The following ZFAND3 variants were observed in gnomAD, a reference collection of about 807,000 sequenced individuals.
ZFAND3 encodes zinc finger AN1-type containing 3.
A neutral mutation model predicts 29.6 loss-of-function variants in ZFAND3; 10 were observed. That is an observed-to-expected ratio of 0.34 (90% CI 0.21 to 0.57). The LOEUF is 0.57. ZFAND3 is among the 20% of genes least tolerant of loss of function. The pLI is 0.86. For synonymous variants in ZFAND3, 128 were observed against 112.6 expected, an observed-to-expected ratio of 1.14 and a Z score of -0.87; for missense variants, 230 against 304.5, an observed-to-expected ratio of 0.76 and a Z score of 1.82.
At chr6:38,059,287 C>T (rs1764190892) in intron 2 of ZFAND3, among the ~76,000 whole-genome samples, 1 of 152,064 alleles carries the variant, frequency 6.6e-6, no homozygotes. Context: ...ATTCATGTAT[C>T]CATAAACAAT....
At chr6:38,149,607 A>T (rs1766181581) in intron 5 of ZFAND3, among the ~76,000 whole-genome samples, 1 of 151,734 alleles carries the variant, frequency 6.6e-6, no homozygotes, top group Admixed American at 6.6e-5. Flanking sequence ...TGTGGGTGTC[A>T]CTCCCTGTTC....
chr6:38,127,084 G>A (rs1765649753), intron 5 of ZFAND3, among the ~76,000 whole-genome samples: 1 of 151,926 alleles, frequency 6.6e-6, no homozygotes, highest in Non-Finnish European at 1.5e-5. Flanking sequence ...CAATCTATAT[G>A]CCTTTTATTT....
intron 1 of ZFAND3, among the ~76,000 whole-genome samples, chr6:37,835,829 A>G (rs1210322110): frequency 6.6e-6 from 1 of 152,218 alleles, no homozygotes; most frequent in Non-Finnish European, 1.5e-5. Context: ...ATTCTTTCCA[A>G]ATGAGCATAT....
At chr6:38,063,812 T>C (rs1764289151) in intron 3 of ZFAND3, among the ~76,000 whole-genome samples, 1 of 152,184 alleles carries the variant, frequency 6.6e-6, no homozygotes, top group African/African-American at 2.4e-5. Context: ...GGAGGTGATA[T>C]TATTACAGTT....
intron 1 of ZFAND3, among the ~76,000 whole-genome samples, chr6:37,831,148 G>A (rs930871460): frequency 1.3e-5 from 2 of 152,176 alleles, no homozygotes; most frequent in Admixed American, 6.5e-5. Flanking sequence ...GTATCTTAGA[G>A]TTGGCTTTGA....
intron 2 of ZFAND3, among the ~76,000 whole-genome samples, chr6:38,053,051 AAAAG>A (rs907462991): frequency 2.2e-4 from 33 of 149,378 alleles, no homozygotes; most frequent in Admixed American, 3.3e-4. Context: ...AAAAAAAAGA[AAAAG>A]AAAAAAAAAA....
intron 2 of ZFAND3, among the ~76,000 whole-genome samples, chr6:38,052,530 T>C (rs371810650): frequency 6.6e-6 from 1 of 152,172 alleles, no homozygotes; most frequent in East Asian, 1.9e-4. Context: ...ATTTATATTA[T>C]GTATTATGTG....
At chr6:38,004,358 C>T (rs1308020723) in intron 2 of ZFAND3, among the ~76,000 whole-genome samples, 1 of 151,968 alleles carries the variant, frequency 6.6e-6, no homozygotes, top group African/African-American at 2.4e-5. Flanking sequence ...TTGGTGATAC[C>T]GTCAGTGTTC....
chr6:38,077,572 C>G (rs184603275), intron 3 of ZFAND3, among the ~76,000 whole-genome samples: 1 of 152,284 alleles, frequency 6.6e-6, no homozygotes, highest in African/African-American at 2.4e-5. Context: ...CAATGTTTAG[C>G]TGACCAATTC....
chr6:38,087,213 T>C (rs1449310415), intron 4 of ZFAND3, among the ~76,000 whole-genome samples: 1 of 152,196 alleles, frequency 6.6e-6, no homozygotes, highest in Non-Finnish European at 1.5e-5. Context: ...GACTTAAATC[T>C]GAAACCTCAA....
In ZFAND3 at chr6:38,125,043, C is replaced by T. The variant is rs570943390; in HGVS notation, c.529+8304C>T. Among the ~76,000 whole-genome samples the T allele has an allele frequency of 1.7e-3, 255 of 152,186 alleles. 3 individuals carry two copies. In the Middle Eastern group the frequency reaches 0.031, roughly 18 times the overall value. The stretch of plus-strand genomic sequence containing the variant: ...AGAAGAAAGTGTCCCATCCATCCCC[C>T]CAAAAGGAAAAAAAGTTCCACAACC... On this transcript the variant is annotated intron_variant, in intron 5 of 5. Coordinates refer to ENST00000287218, the MANE Select transcript of ZFAND3 (RefSeq NM_021943.3).
chr6:38,067,775 G>T lies in ZFAND3; in HGVS notation c.295+6000G>T, dbSNP rs957524923. 7.2e-5 allele frequency among the ~76,000 whole-genome samples: 11 copies of T among 152,302 alleles called. 1 individual carries two copies. Among genetic ancestry groups the T allele is most frequent in the Admixed American group, 3.3e-4 (5 of 15,296 alleles). ...AGATGATTGCTCACAAGATGAGGAA[G>T]TGCCCTCTTAGCTCTTTATACAAGT... is the stretch of plus-strand genomic sequence containing the variant. On this transcript the variant is annotated intron_variant, in intron 3 of 5. Coordinates refer to ENST00000287218, the MANE Select transcript of ZFAND3 (RefSeq NM_021943.3).
intron 1 of ZFAND3, among the ~76,000 whole-genome samples, chr6:37,832,640 C>T (rs1281917630): frequency 6.6e-6 from 1 of 152,100 alleles, no homozygotes; most frequent in African/African-American, 2.4e-5. Context: ...AAGACAGTTT[C>T]TTGCTTTGCT....
intron 5 of ZFAND3, among the ~76,000 whole-genome samples, chr6:38,139,665 G>T (rs1765909688): frequency 6.6e-6 from 1 of 152,160 alleles, no homozygotes; most frequent in Non-Finnish European, 1.5e-5. Flanking sequence ...AATCAGTGGA[G>T]CACGGTAATC....
In ZFAND3 at chr6:38,071,062, C is replaced by G. The variant is rs554353865; in HGVS notation, c.295+9287C>G. 3.4e-5 allele frequency among the ~76,000 whole-genome samples: 5 copies of G among 148,080 alleles called. No homozygotes were observed. The East Asian group carries it at 6.7e-4, about 20-fold the overall frequency. ...TTTTTCTTACTGATTTGTAGGAATT[C>G]TTTTATATATATATATATATGTAAC... is the stretch of plus-strand genomic sequence containing the variant. On this transcript the variant is annotated intron_variant, in intron 3 of 5. Transcript: ENST00000287218.
chr6:37,927,229 A>T (rs933544420), intron 1 of ZFAND3, among the ~76,000 whole-genome samples: 3 of 152,352 alleles, frequency 2.0e-5, no homozygotes, highest in Admixed American at 1.3e-4. Context: ...CCATTTTTTT[A>T]AACCAGGTTT....
In ZFAND3 at chr6:38,153,269, T is replaced by C; in HGVS notation, c.*880T>C. 1 of 985,480 alleles carries C rather than the reference T, an allele frequency of 1.0e-6. No homozygotes were observed. Among genetic ancestry groups the C allele is most frequent in the South Asian group, 4.7e-5 (1 of 21,292 alleles). 61.0% of individuals were successfully genotyped at this position (985,480 alleles called of 1,614,324 possible). ...CAGCCAGATTTCTATATTGGGAGTT[T>C]TTTAAAAAGACATTTCATAGCCAAC... is the stretch of plus-strand genomic sequence containing the variant. On this transcript the variant is annotated 3_prime_UTR_variant, in exon 6 of 6. Coordinates refer to ENST00000287218, the MANE Select transcript of ZFAND3 (RefSeq NM_021943.3).
At chr6:38,089,524 A>G (rs796541540) in intron 4 of ZFAND3, among the ~76,000 whole-genome samples, 5 of 152,330 alleles carry the variant, frequency 3.3e-5, no homozygotes, top group African/African-American at 1.2e-4. Flanking sequence ...GAGAAGATTG[A>G]TGTGCTGAAC....
In ZFAND3 at chr6:38,154,544, AT is replaced by A; in HGVS notation, c.*2157del. 2 of 976,258 alleles carry A rather than the reference AT, an allele frequency of 2.0e-6. No homozygotes were observed. The highest frequency in any genetic ancestry group is 2.4e-6 in the Non-Finnish European group (2 of 821,174). 60.5% of individuals were successfully genotyped at this position (976,258 alleles called of 1,614,324 possible). ...CCTAGAGCTCAGTTTTAGTTTTAAC[AT>A]TGTGAAAATATTAAAAGAATCTTGT... On this transcript the variant is annotated 3_prime_UTR_variant, in exon 6 of 6. Transcript: ENST00000287218.
Sources: gnomAD v4.1 joint callset for allele counts (sites outside exome capture counted in the v4.1 genomes callset) on GRCh38, gnomAD v4.1.1 for gene constraint, MANE v1.5 for transcripts, NCBI Gene and HGNC (gene_info 2026-07-23, HGNC 2026-07-21) for gene names.